The following ZNF320 variants were observed in gnomAD, a reference collection of about 807,000 sequenced individuals.
ZNF320 encodes zinc finger protein 320.
A neutral mutation model predicts 6.8 loss-of-function variants in ZNF320; 2 were observed. That is an observed-to-expected ratio of 0.29 (90% CI 0.12 to 0.93). ZNF320 has a LOEUF of 0.93. Ranked by LOEUF, ZNF320 falls within the 40% of genes least tolerant of loss-of-function variation. ZNF320 has a pLI of 0.55. For missense variants in ZNF320, 472 were observed against 611.0 expected (o/e 0.77, Z 2.40); for synonymous variants, 208 against 203.2 (o/e 1.02, Z -0.20).
At position 52,868,808 on chromosome 19, in the gene ZNF320, T is replaced by C. The variant is rs544976104; in HGVS notation, c.224-4649A>G. On this transcript the variant is annotated intron_variant, in intron 5 of 5. Transcript: ENST00000673631. ...AAGCGCTGAGCTGCGCTGCTGACAG[T>C]GGTTCTGAAGCCATCCCTCATGGAT... Among the ~76,000 whole-genome samples the C allele has an allele frequency of 4.9e-4, 75 of 152,132 alleles. 1 individual carries two copies. The East Asian group carries it at 0.013, about 27-fold the overall frequency.
rs1191246741 is a variant in ZNF320, at chr19:52,879,167, AT to A, written c.*1428del. The A allele has an allele frequency of 1.3e-5, 2 of 152,214 alleles. No individual in the cohort carries two copies. Among genetic ancestry groups the A allele is most frequent in the Admixed American group, 1.3e-4 (2 of 15,270 alleles). 9.4% of individuals were successfully genotyped at this position (152,214 alleles called of 1,614,324 possible). On this transcript the variant is annotated 3_prime_UTR_variant, in exon 6 of 6. Transcript: ENST00000682928. ...TGCAAAAAATGTGATATCATGCACA[AT>A]TTTCTCATAATATGTATTTTTCCAT...
At position 52,880,535 on chromosome 19, in the gene ZNF320, A is replaced by C. The variant is rs1033117472; in HGVS notation, c.*61T>G. The C allele has an allele frequency of 1.4e-6, 2 of 1,478,428 alleles. No homozygotes were observed. The highest frequency in any genetic ancestry group is 2.8e-5 in the African/African-American group (2 of 71,318). 91.6% of individuals were successfully genotyped at this position (1,478,428 alleles called of 1,614,324 possible). On this transcript the variant is annotated 3_prime_UTR_variant, in exon 6 of 6. Transcript: ENST00000682928. ...TAACATAAACAGTTTAATGTCGATT[A>C]ATGCTTGAAATCAATGTTAAGTCAA...
At chr19:52,884,281 C>T (rs903637200) in intron 5 of ZNF320, among the ~76,000 whole-genome samples, 2 of 152,160 alleles carry the variant, frequency 1.3e-5, no homozygotes, top group African/African-American at 4.8e-5. Context: ...GCTCTTATCA[C>T]CCAGGCTAGA....
In ZNF320 at chr19:52,876,791, C is replaced by A. The variant is rs986200761; in HGVS notation, c.*3805G>T. 8 of 141,226 alleles carry A rather than the reference C, an allele frequency of 5.7e-5. No homozygotes were observed. Among genetic ancestry groups the A allele is most frequent in the African/African-American group, 1.6e-4 (6 of 37,770 alleles). The allele number at this position is 141,226 out of a possible 1,614,324, so 8.7% of individuals were successfully genotyped here. ...GGATTACAGGCATGAGCCAGAGCAC[C>A]TGGTCTATTTTTTTTTTTTTAAATT... is the stretch of plus-strand genomic sequence containing the variant. On this transcript the variant is annotated 3_prime_UTR_variant, in exon 6 of 6. Transcript: ENST00000682928.
chr19:52,894,996 C>T (rs1009402360), intron 1 of ZNF320: 1 of 152,168 alleles, frequency 6.6e-6, no homozygotes, highest in African/African-American at 2.4e-5. Context: ...TCTGCTGGAA[C>T]AAGGTTCCAA....
At position 52,877,211 on chromosome 19, in the gene ZNF320, A is replaced by AACAACG. The variant is rs1181873816; in HGVS notation, c.*3384_*3385insCGTTGT. The AACAACG allele has an allele frequency of 6.6e-6, 1 of 152,250 alleles. No homozygotes were observed. Among genetic ancestry groups the AACAACG allele is most frequent in the Non-Finnish European group, 1.5e-5 (1 of 68,094 alleles). The allele number at this position is 152,250 out of a possible 1,614,324, so 9.4% of individuals were successfully genotyped here. On this transcript the variant is annotated 3_prime_UTR_variant, in exon 6 of 6. Coordinates refer to ENST00000682928, the MANE Select transcript of ZNF320 (RefSeq NM_001351774.2). ...CAGGAGGTCCTGATGACGTGTGTCCATGGTGTTGAGGCTGCAGTTTGGTTT... is the reference window on the plus strand; with the variant it reads ...CAGGAGGTCCTGATGACGTGTGTCCAACAACGTGGTGTTGAGGCTGCAGTTTGGTTT...
At chr19:52,862,070 CT>C in exon 6 of ZNF320, 1 of 371,728 alleles carries the variant, frequency 2.7e-6, no homozygotes, top group Non-Finnish European at 5.5e-6. Flanking sequence ...TGTCTGAAAA[CT>C]TTGCCACATT....
downstream of ZNF320, chr19:52,874,188 T>A: frequency 2.0e-5 from 4 of 203,568 alleles, no homozygotes; most frequent in South Asian, 2.6e-4. Flanking sequence ...TGCTGCCCAC[T>A]ACACCAGAGA....
chr19:52,872,715 A>G (rs2063701463), downstream of ZNF320, among the ~76,000 whole-genome samples: 1 of 151,972 alleles, frequency 6.6e-6, no homozygotes. Flanking sequence ...GTTAACCAGG[A>G]TGGTCTCAAT....
chr19:52,859,914 C>CT (rs36107250), downstream of ZNF320, among the ~76,000 whole-genome samples: 1,081 of 130,878 alleles, frequency 8.3e-3, 7 homozygotes, highest in Middle Eastern at 0.023. Context: ...GTTTTTCTTT[C>CT]TTTTTTTTTT....
intron 1 of ZNF320, chr19:52,895,431 C>G (rs1378265339): frequency 6.6e-6 from 1 of 152,580 alleles, no homozygotes. Flanking sequence ...CCATTGCACT[C>G]CAGCCTGGGC....
chr19:52,867,189 A>T (rs1469451), intron 5 of ZNF320, among the ~76,000 whole-genome samples: 135,351 of 149,292 alleles, frequency 0.91, 61,639 homozygotes, highest in Non-Finnish European at 0.95. Context: ...TTAATTAATT[A>T]ATTTATTTAT....
rs1162037792 is a variant in ZNF320 at position 52,876,227 on chromosome 19, A to G, written c.*4369T>C. 2.0e-5 allele frequency: 3 copies of G among 152,228 alleles called. No individual in the cohort carries two copies. The highest frequency in any genetic ancestry group is 7.2e-5 in the African/African-American group (3 of 41,460). The allele number at this position is 152,228 out of a possible 1,614,324, so 9.4% of individuals were successfully genotyped here. A position where few individuals can be genotyped will look rare whatever the true frequency, so the allele number is the denominator to read the frequency against. ...TAGCATAAAGAAAAAGTTCCTTGAT[A>G]TCTTTATCAAGTACACATCGAAACA... is the stretch of plus-strand genomic sequence containing the variant. On this transcript the variant is annotated 3_prime_UTR_variant, in exon 6 of 6. Coordinates refer to ENST00000682928, the MANE Select transcript of ZNF320 (RefSeq NM_001351774.2).
chr19:52,889,479 T>C (rs1371040887), intron 4 of ZNF320, among the ~76,000 whole-genome samples: 1 of 151,750 alleles, frequency 6.6e-6, no homozygotes, highest in Non-Finnish European at 1.5e-5. Flanking sequence ...TAGTTATAGG[T>C]GGAATAAGAA....
intron 5 of ZNF320, among the ~76,000 whole-genome samples, chr19:52,882,951 G>A (rs1184434862): frequency 6.6e-6 from 1 of 151,546 alleles, no homozygotes; most frequent in Non-Finnish European, 1.5e-5. Context: ...AAAAAAAAAA[G>A]AAAATGTTAA....
chr19:52,891,410 CA>C (rs1456054174), intron 2 of ZNF320, 64 bp from the exon 3 acceptor site: 2 of 150,066 alleles, frequency 1.3e-5, no homozygotes, highest in African/African-American at 4.9e-5. Flanking sequence ...ACCTGAGTAA[CA>C]TGATAGAGAT....
chr19:52,901,286 G>C (rs997945012), upstream of ZNF320, among the ~76,000 whole-genome samples: 1 of 152,152 alleles, frequency 6.6e-6, no homozygotes, highest in Non-Finnish European at 1.5e-5. Context: ...ACTTGATGTA[G>C]ATACTGGAAA....
At chr19:52,864,039 A>C (rs772758807) in exon 6 of ZNF320, 1 of 499,430 alleles carries the variant, frequency 2.0e-6, no homozygotes, top group Non-Finnish European at 3.9e-6. Flanking sequence ...TCACCCACAG[A>C]CTCCAGGTTC....
intron 3 of ZNF320, 45 bp from the exon 4 acceptor site, chr19:52,890,373 C>T: frequency 2.2e-6 from 3 of 1,388,572 alleles, no homozygotes; most frequent in Admixed American, 1.9e-5. Flanking sequence ...ATCAACACAC[C>T]CCCTCCCCAT....
Sources: allele counts gnomAD v4.1 joint callset (sites outside exome capture counted in the v4.1 genomes callset), GRCh38; gene constraint gnomAD v4.1.1; transcripts MANE v1.5; gene names NCBI Gene and HGNC (gene_info 2026-07-23, HGNC 2026-07-21).